CDH7: variants seen among roughly 807,000 people sequenced by gnomAD.
CDH7 encodes cadherin 7, also known as cadherin-7.
A neutral mutation model predicts 71.8 loss-of-function variants in CDH7; 25 were observed. The ratio of observed to expected loss-of-function variants is 0.35; its 90% CI spans 0.25 to 0.49. CDH7 has a LOEUF of 0.49. Ranked by LOEUF, CDH7 falls within the 20% of genes least tolerant of loss-of-function variation. The pLI, the probability that CDH7 is intolerant of heterozygous loss-of-function variation, is 0.99. For missense variants in CDH7, 862 were observed against 974.6 expected, an observed-to-expected ratio of 0.88 and a Z score of 1.54; for synonymous variants, 381 against 363.8, an observed-to-expected ratio of 1.05 and a Z score of -0.54.
chr18:65,869,224 C>CT (rs11339895), intron 11 of CDH7, among the ~76,000 whole-genome samples: 30 of 149,514 alleles, frequency 2.0e-4, no homozygotes, highest in Middle Eastern at 3.5e-3. Flanking sequence ...TGTCCAGGGT[C>CT]TTTTTTTTTT....
At chr18:65,804,699 C>CACGTGTGTGT (rs141411077) in intron 2 of CDH7, among the ~76,000 whole-genome samples, 1 of 148,708 alleles carries the variant, frequency 6.7e-6, no homozygotes, top group South Asian at 2.2e-4. Context: ...CCTTAACACA[C>CACGTGTGTGT]GTGTGTGTGT....
Position 65,843,830 on chromosome 18 carries a change from A to C in CDH7, c.1000A>C (p.Lys334Gln). Residue 334 changes from lysine (K) to glutamine (Q), a missense_variant, in exon 7 of 12, where the codon AAA (lysine) becomes CAA (glutamine). By Grantham distance (53) the Lys-to-Gln change is moderately conservative. Coordinates refer to ENST00000397968, the MANE Select transcript of CDH7 (RefSeq NM_004361.5). ...TIQKELDFEAKTSYTLRIEAA... is the reference protein window; with the variant it reads ...TIQKELDFEAQTSYTLRIEAA... The stretch of plus-strand genomic sequence containing the variant: ...TTTACAGGAGCTGGATTTTGAAGCC[A>C]AAACAAGTTACACGCTACGGATAGA... The C allele has an allele frequency of 1.3e-6, 2 of 1,523,222 alleles. No individual in the cohort carries two copies. The highest frequency in any genetic ancestry group is 1.8e-6 in the Non-Finnish European group (2 of 1,132,506). 94.4% of individuals were successfully genotyped at this position (1,523,222 alleles called of 1,614,324 possible). A position where few individuals can be genotyped will look rare whatever the true frequency, so the allele number is the denominator to read the frequency against.
intron 3 of CDH7, among the ~76,000 whole-genome samples, chr18:65,812,578 T>C (rs1277440118): frequency 6.6e-6 from 1 of 152,218 alleles, no homozygotes; most frequent in African/African-American, 2.4e-5. Context: ...CATTTTTTAT[T>C]GGATGTTAGC....
chr18:65,871,926 C>A (rs956816035), intron 11 of CDH7, among the ~76,000 whole-genome samples: 1 of 152,000 alleles, frequency 6.6e-6, no homozygotes, highest in Non-Finnish European at 1.5e-5. Flanking sequence ...CAGCTCTTGC[C>A]ATACAAGAGG....
intron 2 of CDH7, among the ~76,000 whole-genome samples, chr18:65,765,390 GAT>G (rs1232999454): frequency 1.3e-5 from 2 of 151,750 alleles, no homozygotes; most frequent in Admixed American, 1.3e-4. Context: ...AATAAGCAGA[GAT>G]ATAACAATAA....
At position 65,882,537 on chromosome 18, in the gene CDH7, G is replaced by C. The variant is rs1438457335; in HGVS notation, c.*1643G>C. The stretch of plus-strand genomic sequence containing the variant: ...GATTACACAAAGAAGAACTATGTAG[G>C]ATTCTGTAAACTTGCAGCCCAACTT... On this transcript the variant is annotated 3_prime_UTR_variant, in exon 12 of 12. Transcript: ENST00000397968. The C allele has an allele frequency of 6.6e-6, 1 of 152,052 alleles. No individual in the cohort carries two copies. Among genetic ancestry groups the C allele is most frequent in the Non-Finnish European group, 1.5e-5 (1 of 67,946 alleles). 9.4% of individuals were successfully genotyped at this position (152,052 alleles called of 1,614,324 possible).
intron 6 of CDH7, among the ~76,000 whole-genome samples, chr18:65,827,276 ATTAT>A (rs1349333065): frequency 6.6e-6 from 1 of 151,882 alleles, no homozygotes; most frequent in Non-Finnish European, 1.5e-5. Flanking sequence ...AACATCAAAG[ATTAT>A]TTAGGAAAAA....
intron 2 of CDH7, among the ~76,000 whole-genome samples, chr18:65,800,445 T>A (rs1389848802): frequency 6.6e-6 from 1 of 152,096 alleles, no homozygotes; most frequent in African/African-American, 2.4e-5. Context: ...ACCAATATTA[T>A]TGATAAAAAC....
At chr18:65,801,075 T>A (rs1359959297) in intron 2 of CDH7, among the ~76,000 whole-genome samples, 1 of 152,234 alleles carries the variant, frequency 6.6e-6, no homozygotes, top group Non-Finnish European at 1.5e-5. Context: ...CTTTCTACAC[T>A]GATAGCATAC....
At chr18:65,777,183 A>G (rs1909979021) in intron 2 of CDH7, among the ~76,000 whole-genome samples, 1 of 151,938 alleles carries the variant, frequency 6.6e-6, no homozygotes, top group South Asian at 2.1e-4. Flanking sequence ...CCTGATGCTG[A>G]AAGTAATTAT....
intron 6 of CDH7, among the ~76,000 whole-genome samples, chr18:65,838,837 G>T (rs1912626098): frequency 6.6e-6 from 1 of 152,136 alleles, no homozygotes; most frequent in Non-Finnish European, 1.5e-5. Flanking sequence ...AATAGAATTT[G>T]CCAAAGACAA....
intron 5 of CDH7, among the ~76,000 whole-genome samples, 192 bp downstream of exon 5, chr18:65,822,440 T>G (rs1472826377): frequency 2.6e-5 from 4 of 152,122 alleles, no homozygotes. Flanking sequence ...TGAGAAGAAA[T>G]AGAAGCCATC....
intron 7 of CDH7, among the ~76,000 whole-genome samples, chr18:65,846,317 T>C (rs938678527): frequency 2.6e-5 from 4 of 152,102 alleles, no homozygotes; most frequent in African/African-American, 9.7e-5. Flanking sequence ...CCCAGCACCA[T>C]ATTTTTTACC....
At chr18:65,795,970 A>G (rs1910898186) in intron 2 of CDH7, among the ~76,000 whole-genome samples, 1 of 152,076 alleles carries the variant, frequency 6.6e-6, no homozygotes, top group African/African-American at 2.4e-5. Flanking sequence ...GGTACCTTCC[A>G]CCATGATCGT....
At position 65,880,952 on chromosome 18, in the gene CDH7, A is replaced by C; in HGVS notation, c.*58A>C. ...AAAAGTAACAGCAAAAAATAAAATA[A>C]AATGAAATAAAATAATAAACCACTA... On this transcript the variant is annotated 3_prime_UTR_variant, in exon 12 of 12. Transcript: ENST00000397968. 6.8e-7 allele frequency: 1 copy of C among 1,477,960 alleles called. No individual in the cohort carries two copies. The highest frequency in any genetic ancestry group is 1.4e-5 in the South Asian group (1 of 72,074). 91.6% of individuals were successfully genotyped at this position (1,477,960 alleles called of 1,614,324 possible). A position where few individuals can be genotyped will look rare whatever the true frequency, so the allele number is the denominator to read the frequency against.
At chr18:65,852,590 T>C (rs1409257949) in intron 7 of CDH7, among the ~76,000 whole-genome samples, 3 of 152,166 alleles carry the variant, frequency 2.0e-5, no homozygotes, top group African/African-American at 7.2e-5. Context: ...AATTAACAGC[T>C]ATCACTCATG....
At chr18:65,768,510 C>A (rs1330419022) in intron 2 of CDH7, among the ~76,000 whole-genome samples, 1 of 152,070 alleles carries the variant, frequency 6.6e-6, no homozygotes, top group Admixed American at 6.6e-5. Context: ...TGTATATTAG[C>A]TGTGTTTTAA....
intron 2 of CDH7, among the ~76,000 whole-genome samples, chr18:65,783,017 G>A (rs142989011): frequency 6.6e-6 from 1 of 152,180 alleles, no homozygotes; most frequent in Admixed American, 6.5e-5. Flanking sequence ...GGATAGATAG[G>A]GGTGTTGCTT....
At chr18:65,764,624 T>C (rs1337090445) in intron 2 of CDH7, among the ~76,000 whole-genome samples, 1 of 152,020 alleles carries the variant, frequency 6.6e-6, no homozygotes, top group African/African-American at 2.4e-5. Context: ...GTCATCCAAT[T>C]TTCTTAAATG....
Sources: gnomAD v4.1 joint callset for allele counts (sites outside exome capture counted in the v4.1 genomes callset) on GRCh38, gnomAD v4.1.1 for gene constraint, MANE v1.5 for transcripts, NCBI Gene and HGNC (gene_info 2026-07-23, HGNC 2026-07-21) for gene names.